STXBP5L: variants seen among roughly 807,000 people sequenced by gnomAD.
The protein encoded by STXBP5L is syntaxin-binding protein 5-like.
In STXBP5L, 65 loss-of-function variants were observed where a neutral mutation model predicts 144.5. That is an observed-to-expected ratio of 0.45 (90% CI 0.37 to 0.55). The LOEUF is 0.55. Ranked by LOEUF, STXBP5L falls within the 20% of genes least tolerant of loss-of-function variation. The pLI is 0.00. For missense variants in STXBP5L, 1,298 were observed against 1,405.5 expected (o/e 0.92, Z 1.22); for synonymous variants, 505 against 469.6 (o/e 1.08, Z -0.97).
chr3:121,050,938 G>C (rs955221726), intron 5 of STXBP5L, among the ~76,000 whole-genome samples: 2 of 151,988 alleles, frequency 1.3e-5, no homozygotes, highest in Non-Finnish European at 2.9e-5. Flanking sequence ...TGCAATCCTA[G>C]TCTCTGATAA....
chr3:121,180,262 G>A (rs556097895), intron 9 of STXBP5L, among the ~76,000 whole-genome samples: 15 of 152,342 alleles, frequency 9.8e-5, no homozygotes, highest in African/African-American at 2.9e-4. Flanking sequence ...TTACAAGCCA[G>A]AAGGAACTGG....
At chr3:120,980,343 T>C (rs1941619828) in intron 3 of STXBP5L, among the ~76,000 whole-genome samples, 2 of 152,212 alleles carry the variant, frequency 1.3e-5, no homozygotes, top group South Asian at 4.1e-4. Context: ...TATTATTGTT[T>C]TGCTATTTAT....
At chr3:121,000,673 G>GAGGTA (rs1156813273) in intron 3 of STXBP5L, among the ~76,000 whole-genome samples, 1 of 152,186 alleles carries the variant, frequency 6.6e-6, no homozygotes, top group Non-Finnish European at 1.5e-5. Context: ...TGGTCATTTG[G>GAGGTA]AGGTAAGAAG....
intron 5 of STXBP5L, among the ~76,000 whole-genome samples, chr3:121,058,714 C>T (rs2107620985): frequency 6.6e-6 from 1 of 152,302 alleles, no homozygotes; most frequent in African/African-American, 2.4e-5. Flanking sequence ...ATTTGCATTT[C>T]TCTAATGACC....
At chr3:121,265,945 G>C (rs1034031109) in intron 18 of STXBP5L, among the ~76,000 whole-genome samples, 14 of 152,050 alleles carry the variant, frequency 9.2e-5, no homozygotes, top group African/African-American at 3.1e-4. Flanking sequence ...TCAAATCCCT[G>C]AACAGACCAA....
intron 20 of STXBP5L, among the ~76,000 whole-genome samples, chr3:121,338,694 G>T (rs527698064): frequency 3.4e-5 from 5 of 147,666 alleles, no homozygotes; most frequent in Non-Finnish European, 7.5e-5. Flanking sequence ...AAAGAAGGAA[G>T]GAAGGAAGGA....
chr3:121,198,226 C>T (rs1330673411), intron 9 of STXBP5L, among the ~76,000 whole-genome samples: 4 of 152,298 alleles, frequency 2.6e-5, no homozygotes, highest in African/African-American at 7.2e-5. Context: ...TTTTGATTTG[C>T]ATTTCTCTAA....
intron 20 of STXBP5L, among the ~76,000 whole-genome samples, chr3:121,329,006 T>TTA (rs1298330671): frequency 2.0e-5 from 3 of 151,878 alleles, no homozygotes; most frequent in Admixed American, 6.6e-5. Context: ...CCCAGAAAAG[T>TTA]TATATATATA....
intron 19 of STXBP5L, among the ~76,000 whole-genome samples, chr3:121,289,026 T>G (rs1016699972): frequency 2.6e-5 from 4 of 152,090 alleles, no homozygotes; most frequent in African/African-American, 9.7e-5. Context: ...GGCACTATAC[T>G]TATTACTGGG....
intron 3 of STXBP5L, among the ~76,000 whole-genome samples, chr3:120,994,309 A>T (rs1943167738): frequency 6.6e-6 from 1 of 151,998 alleles, no homozygotes; most frequent in Non-Finnish European, 1.5e-5. Flanking sequence ...CTCTGGCTAG[A>T]ATTTTCAGTA....
Position 121,099,015 on chromosome 3 carries a change from G to A in STXBP5L, c.471-15910G>A, listed in dbSNP as rs540040562. On this transcript the variant is annotated intron_variant, in intron 5 of 26. Coordinates refer to ENST00000471454, the MANE Select transcript of STXBP5L (RefSeq NM_001308330.2). ...GTATATATAGAGAGAGATAGAGATT[G>A]CCTCTATCTATATACATTCGTAAGC... is the stretch of plus-strand genomic sequence containing the variant. The A allele has an allele frequency of 3.9e-5, 6 of 152,148 alleles. No homozygotes were observed. In the East Asian group the frequency reaches 7.7e-4, roughly 20 times the overall value. The allele number at this position is 152,148 out of a possible 1,614,324, so 9.4% of individuals were successfully genotyped here.
At chr3:121,206,488 T>C (rs888532538) in intron 10 of STXBP5L, among the ~76,000 whole-genome samples, 1 of 152,114 alleles carries the variant, frequency 6.6e-6, no homozygotes, top group Admixed American at 6.5e-5. Flanking sequence ...AATAATAATA[T>C]TTAGTAAAAT....
At chr3:121,203,051 C>T (rs1213294323) in intron 9 of STXBP5L, among the ~76,000 whole-genome samples, 1 of 148,446 alleles carries the variant, frequency 6.7e-6, no homozygotes, top group African/African-American at 2.5e-5. Flanking sequence ...ATTGTTCATA[C>T]TCCTTCATTC....
At chr3:120,940,595 T>A (rs770003065) in intron 2 of STXBP5L, among the ~76,000 whole-genome samples, 3 of 150,240 alleles carry the variant, frequency 2.0e-5, no homozygotes, top group Non-Finnish European at 4.4e-5. Context: ...ATAAGCCAGA[T>A]GGTAAAATCA....
At chr3:121,052,497 C>A (rs1948094591) in intron 5 of STXBP5L, among the ~76,000 whole-genome samples, 1 of 152,170 alleles carries the variant, frequency 6.6e-6, no homozygotes, top group African/African-American at 2.4e-5. Context: ...GCAAAAACCA[C>A]ATGATTATCT....
intron 3 of STXBP5L, among the ~76,000 whole-genome samples, chr3:121,027,322 G>A (rs1215731355): frequency 6.6e-6 from 1 of 152,022 alleles, no homozygotes; most frequent in Non-Finnish European, 1.5e-5. Context: ...AAAGGAAAAA[G>A]TCACCCCCGT....
intron 5 of STXBP5L, among the ~76,000 whole-genome samples, chr3:121,093,462 T>C (rs946868569): frequency 2.0e-5 from 3 of 152,230 alleles, no homozygotes; most frequent in Admixed American, 6.5e-5. Context: ...CTGTTATTGG[T>C]CTATTCAGAG....
intron 7 of STXBP5L, among the ~76,000 whole-genome samples, chr3:121,146,807 A>G (rs2045727744): frequency 6.6e-6 from 1 of 152,092 alleles, no homozygotes; most frequent in African/African-American, 2.4e-5. Flanking sequence ...GTATATGCCT[A>G]ATGATGACAT....
intron 5 of STXBP5L, among the ~76,000 whole-genome samples, chr3:121,107,134 T>C (rs1011851533): frequency 3.3e-5 from 5 of 152,164 alleles, no homozygotes; most frequent in African/African-American, 9.6e-5. Context: ...TTGTAGATTC[T>C]GGATGTTAGA....
Sources: gnomAD v4.1 joint callset for allele counts (sites outside exome capture counted in the v4.1 genomes callset) on GRCh38, gnomAD v4.1.1 for gene constraint, MANE v1.5 for transcripts, NCBI Gene and HGNC (gene_info 2026-07-23, HGNC 2026-07-21) for gene names.